KCNQ3: variants seen among roughly 807,000 people sequenced by gnomAD.
KCNQ3 encodes potassium voltage-gated channel subfamily KQT member 3.
A neutral mutation model predicts 92.5 loss-of-function variants in KCNQ3; 30 were observed. The observed-to-expected ratio is 0.32, with a 90% CI of 0.24 to 0.44. The LOEUF is 0.44. Among genes scored for constraint, KCNQ3 ranks in the 20% least tolerant of loss-of-function variants. The pLI is 1.00. For missense variants in KCNQ3, 913 were observed against 1,140.3 expected (o/e 0.80, Z 2.87); for synonymous variants, 450 against 468.8 (o/e 0.96, Z 0.52).
intron 1 of KCNQ3, among the ~76,000 whole-genome samples, chr8:132,406,033 A>C (rs1820468810): frequency 6.6e-6 from 1 of 152,098 alleles, no homozygotes. Flanking sequence ...GGGTGACTTA[A>C]ATTTTCTGTG....
chr8:132,449,941 C>T (rs1166724280), intron 1 of KCNQ3, among the ~76,000 whole-genome samples: 2 of 152,232 alleles, frequency 1.3e-5, no homozygotes, highest in African/African-American at 2.4e-5. Flanking sequence ...AACTCTAGCC[C>T]TCTTCCCACT....
Position 132,184,412 on chromosome 8 carries a change from A to G in KCNQ3, c.478-45T>C, listed in dbSNP as rs143354347. 170 of 1,608,276 alleles carry G rather than the reference A, an allele frequency of 1.1e-4. No individual in the cohort carries two copies. In the African/African-American group the frequency reaches 1.9e-3, roughly 18 times the overall value. On this transcript the variant is annotated intron_variant, in intron 2 of 14. Coordinates refer to ENST00000388996, the MANE Select transcript of KCNQ3 (RefSeq NM_004519.4). ...GAGAGGCACTGATTAACCGAGATCC[A>G]CTTGTCGGGAGCTGGTGATTTCTAT...
chr8:132,455,967 G>A (rs994412725), intron 1 of KCNQ3, among the ~76,000 whole-genome samples: 25 of 151,836 alleles, frequency 1.6e-4, no homozygotes, highest in African/African-American at 2.9e-4. Flanking sequence ...GGATGGTCTC[G>A]ATCTCCTGAC....
chr8:132,401,324 C>T (rs1171338437), intron 1 of KCNQ3, among the ~76,000 whole-genome samples: 2 of 152,158 alleles, frequency 1.3e-5, no homozygotes, highest in African/African-American at 2.4e-5. Flanking sequence ...GTCCCATGTC[C>T]CTTTTATCCC....
intron 1 of KCNQ3, among the ~76,000 whole-genome samples, chr8:132,459,958 G>A (rs1293377520): frequency 1.1e-5 from 1 of 86,970 alleles, no homozygotes; most frequent in Non-Finnish European, 2.6e-5. Flanking sequence ...TTATACTCCA[G>A]TATTACTTTA....
intron 1 of KCNQ3, among the ~76,000 whole-genome samples, chr8:132,341,595 A>G (rs1267387068): frequency 6.6e-6 from 1 of 152,214 alleles, no homozygotes; most frequent in Admixed American, 6.5e-5. Context: ...ATAAGTGAAT[A>G]ACTGAATAAA....
chr8:132,430,444 C>G (rs1324112310), intron 1 of KCNQ3, among the ~76,000 whole-genome samples: 1 of 152,218 alleles, frequency 6.6e-6, no homozygotes, highest in Non-Finnish European at 1.5e-5. Context: ...CCTGTGCCAG[C>G]CCTGGGTGTC....
intron 1 of KCNQ3, among the ~76,000 whole-genome samples, chr8:132,208,366 C>A (rs554635979): frequency 6.6e-6 from 1 of 152,138 alleles, no homozygotes; most frequent in African/African-American, 2.4e-5. Context: ...AACCGCACAG[C>A]ATTTTGTGGC....
chr8:132,186,688 G>A (rs896153391), intron 1 of KCNQ3: 1 of 275,036 alleles, frequency 3.6e-6, no homozygotes, highest in Non-Finnish European at 7.2e-6. Flanking sequence ...CACCAAGTAT[G>A]AATATTGTTC....
chr8:132,337,296 A>G (rs577581115), intron 1 of KCNQ3, among the ~76,000 whole-genome samples: 8 of 152,272 alleles, frequency 5.3e-5, no homozygotes, highest in African/African-American at 1.7e-4. Flanking sequence ...TGAGACCAGC[A>G]TGAGCAATAA....
chr8:132,355,192 G>A (rs1430716129), intron 1 of KCNQ3, among the ~76,000 whole-genome samples: 3 of 152,158 alleles, frequency 2.0e-5, no homozygotes, highest in South Asian at 4.1e-4. Context: ...ATGCAGAGCT[G>A]TAGGCTCAAT....
At chr8:132,403,468 T>G (rs1016688165) in intron 1 of KCNQ3, among the ~76,000 whole-genome samples, 1 of 152,206 alleles carries the variant, frequency 6.6e-6, no homozygotes, top group African/African-American at 2.4e-5. Context: ...CAACAGCAGC[T>G]TTGGGTTCAT....
chr8:132,323,720 C>G (rs965907427), intron 1 of KCNQ3, among the ~76,000 whole-genome samples: 2 of 152,038 alleles, frequency 1.3e-5, no homozygotes, highest in Non-Finnish European at 2.9e-5. Context: ...TTTTCATAGC[C>G]CTGCTGTAGT....
intron 4 of KCNQ3, among the ~76,000 whole-genome samples, chr8:132,177,945 T>C (rs1826622215): frequency 6.6e-6 from 1 of 152,218 alleles, no homozygotes; most frequent in Non-Finnish European, 1.5e-5. Flanking sequence ...TGCAGAGAGC[T>C]CTGCTCCAGA....
At chr8:132,414,411 G>C (rs1820738093) in intron 1 of KCNQ3, among the ~76,000 whole-genome samples, 1 of 152,244 alleles carries the variant, frequency 6.6e-6, no homozygotes, top group Non-Finnish European at 1.5e-5. Flanking sequence ...CGTGGATCAG[G>C]CAGGATGACT....
intron 1 of KCNQ3, among the ~76,000 whole-genome samples, chr8:132,346,888 C>T (rs892991009): frequency 7.9e-5 from 12 of 152,294 alleles, no homozygotes; most frequent in African/African-American, 2.6e-4. Context: ...GGAAGGGAAG[C>T]TGGCAAAGCT....
chr8:132,169,700 G>A (rs1420837613), intron 8 of KCNQ3, among the ~76,000 whole-genome samples: 1 of 152,118 alleles, frequency 6.6e-6, no homozygotes, highest in Non-Finnish European at 1.5e-5. Context: ...TTCCTTATCA[G>A]CTACTCCATG....
chr8:132,379,208 A>G (rs1357463704), intron 1 of KCNQ3, among the ~76,000 whole-genome samples: 2 of 152,236 alleles, frequency 1.3e-5, no homozygotes. Context: ...ATGTCTATGA[A>G]AGACTTCCTA....
intron 1 of KCNQ3, among the ~76,000 whole-genome samples, chr8:132,325,529 G>A (rs1264837613): frequency 6.6e-6 from 1 of 152,156 alleles, no homozygotes; most frequent in African/African-American, 2.4e-5. Context: ...GTTCATTAGG[G>A]TGACCTGCTC....
Sources: gnomAD v4.1 joint callset for allele counts (sites outside exome capture counted in the v4.1 genomes callset) on GRCh38, gnomAD v4.1.1 for gene constraint, MANE v1.5 for transcripts, NCBI Gene and HGNC (gene_info 2026-07-23, HGNC 2026-07-21) for gene names.